The following CARS2 variants were observed in gnomAD, a reference collection of about 807,000 sequenced individuals.
CARS2 encodes cysteinyl-tRNA synthetase 2, mitochondrial.
In CARS2, 52 loss-of-function variants were observed where a neutral mutation model predicts 68.8. The ratio of observed to expected loss-of-function variants is 0.76; its 90% CI spans 0.61 to 0.95. CARS2 has a LOEUF of 0.95. Ranked by LOEUF, CARS2 falls within the 40% of genes least tolerant of loss-of-function variation. The pLI, the probability that CARS2 is intolerant of heterozygous loss-of-function variation, is 0.00. For synonymous variants in CARS2, 314 were observed against 303.6 expected (o/e 1.03, Z -0.36); for missense variants, 780 against 754.2 (o/e 1.03, Z -0.40).
At chr13:110,645,900 A>T in intron 12 of CARS2, 67 bp downstream of exon 12, 1 of 1,557,736 alleles carries the variant, frequency 6.4e-7, no homozygotes, top group Non-Finnish European at 8.7e-7. Flanking sequence ...CATGAGAAAA[A>T]CCCACCAGAG....
intron 8 of CARS2, chr13:110,666,262 C>T (rs970137729): frequency 1.6e-5 from 16 of 985,256 alleles, no homozygotes; most frequent in African/African-American, 1.0e-4. Context: ...GGGCGGCAGG[C>T]GTTTGTTCTG....
At chr13:110,713,284 T>TG (rs1468906923) in exon 1 of CARS2, 1 of 1,281,066 alleles carries the variant, frequency 7.8e-7, no homozygotes, top group Non-Finnish European at 9.9e-7. Flanking sequence ...AGGAGCGAGT[T>TG]GCGGTAGTTG....
At chr13:110,674,354 G>T (rs2062885337) in intron 7 of CARS2, among the ~76,000 whole-genome samples, 1 of 151,558 alleles carries the variant, frequency 6.6e-6, no homozygotes, top group African/African-American at 2.4e-5. Flanking sequence ...GCATGGTACT[G>T]GTACCAAAAC....
intron 7 of CARS2, among the ~76,000 whole-genome samples, chr13:110,669,084 C>G (rs564330923): frequency 6.6e-6 from 1 of 152,208 alleles, no homozygotes; most frequent in Admixed American, 6.5e-5. Flanking sequence ...ATGCTTCCTA[C>G]TAACAACAGG....
rs528537798 is a variant in CARS2 at position 110,699,210 on chromosome 13, C to G, written c.393+2228G>C. Among the ~76,000 whole-genome samples, 8 of 152,310 alleles carry G rather than the reference C, an allele frequency of 5.3e-5. No homozygotes were observed. In the South Asian group the frequency reaches 1.7e-3, roughly 32 times the overall value. On this transcript the variant is annotated intron_variant, in intron 3 of 14. Coordinates refer to ENST00000257347, the MANE Select transcript of CARS2 (RefSeq NM_024537.4). Reference sequence around the variant, plus strand: ...ACGTTTCTATTCATTATAAATTACCCAACCTGTGGTGTTCTGTTACAGCAG... The same window carrying G: ...ACGTTTCTATTCATTATAAATTACCGAACCTGTGGTGTTCTGTTACAGCAG...
intron 6 of CARS2, among the ~76,000 whole-genome samples, chr13:110,682,691 T>C (rs1003681305): frequency 6.6e-6 from 1 of 152,098 alleles, no homozygotes; most frequent in Non-Finnish European, 1.5e-5. Context: ...AAGACACGTA[T>C]GGGAATTAAA....
Position 110,692,001 on chromosome 13 carries a change from A to AT in CARS2, c.394-3984_394-3983insA, listed in dbSNP as rs1305170975. ...AAAGCTGTGCAGAAAAAAAAAAAAA[A>AT]AAATATATATATATATATATATACA... is the stretch of plus-strand genomic sequence containing the variant. On this transcript the variant is annotated intron_variant, in intron 3 of 14. Transcript: ENST00000257347. Among the ~76,000 whole-genome samples the AT allele has an allele frequency of 9.4e-3, 730 of 77,996 alleles. 7 individuals are homozygous for AT. The highest frequency in any genetic ancestry group is 0.027 in the African/African-American group (628 of 23,430). 51.2% of individuals were successfully genotyped at this position (77,996 alleles called of 152,430 possible). A position where few individuals can be genotyped will look rare whatever the true frequency, so the allele number is the denominator to read the frequency against.
chr13:110,652,128 T>A (rs2062232111), intron 9 of CARS2, among the ~76,000 whole-genome samples: 1 of 152,274 alleles, frequency 6.6e-6, no homozygotes, highest in Non-Finnish European at 1.5e-5. Context: ...TCGCTGACCT[T>A]GCTGGAGTGA....
intron 5 of CARS2, among the ~76,000 whole-genome samples, chr13:110,686,641 A>G (rs1353866451): frequency 7.8e-6 from 1 of 128,878 alleles, no homozygotes; most frequent in Non-Finnish European, 1.7e-5. Flanking sequence ...ACTGCAAACT[A>G]TGCCTCCTGG....
chr13:110,686,961 G>C (rs1393508586), intron 5 of CARS2, among the ~76,000 whole-genome samples: 2 of 151,090 alleles, frequency 1.3e-5, no homozygotes, highest in East Asian at 3.9e-4. Context: ...TGCAACCTCT[G>C]ACTCCCGCAA....
chr13:110,687,700 A>G (rs749912683), intron 5 of CARS2, 21 bp downstream of exon 5: 18 of 1,476,538 alleles, frequency 1.2e-5, no homozygotes, highest in African/African-American at 2.9e-5. Flanking sequence ...AAGAAAAAAA[A>G]AAAAAGAACA....
intron 3 of CARS2, among the ~76,000 whole-genome samples, chr13:110,696,011 G>A (rs1406369384): frequency 6.6e-6 from 1 of 152,200 alleles, no homozygotes; most frequent in South Asian, 2.1e-4. Context: ...TCCCACTTAT[G>A]AGTGAGAACC....
chr13:110,646,422 G>C (rs571034192), intron 11 of CARS2: 47 of 191,496 alleles, frequency 2.5e-4, no homozygotes, highest in African/African-American at 8.7e-4. Context: ...GAGACGGCAC[G>C]GCTGACCACT....
intron 9 of CARS2, among the ~76,000 whole-genome samples, chr13:110,661,202 C>T (rs72661672): frequency 0.14 from 20,647 of 152,252 alleles, 1,857 homozygotes; most frequent in Admixed American, 0.27. Context: ...TGACTTCTTT[C>T]TAGCTACAAA....
intron 3 of CARS2, among the ~76,000 whole-genome samples, chr13:110,695,612 G>C (rs956812602): frequency 6.6e-6 from 1 of 151,916 alleles, no homozygotes; most frequent in Non-Finnish European, 1.5e-5. Context: ...TGAACCTTGA[G>C]GAATTATGCA....
intron 5 of CARS2, among the ~76,000 whole-genome samples, chr13:110,686,475 G>A (rs2063307656): frequency 6.6e-6 from 1 of 151,942 alleles, no homozygotes; most frequent in African/African-American, 2.4e-5. Context: ...CTGAACTCCT[G>A]GACTCAAGTG....
chr13:110,662,217 C>G (rs577301145), intron 9 of CARS2, among the ~76,000 whole-genome samples: 27 of 97,686 alleles, frequency 2.8e-4, no homozygotes, highest in Admixed American at 1.7e-3. Flanking sequence ...ACCCCCTCTG[C>G]GTCATGCAAC....
At chr13:110,712,703 A>G (rs895829478) in intron 1 of CARS2, 2 of 687,564 alleles carry the variant, frequency 2.9e-6, no homozygotes, top group South Asian at 3.0e-5. Context: ...GTGTCTGCAT[A>G]CTGTGGGCGG....
At chr13:110,667,000 T>G in intron 8 of CARS2, 9 of 941,576 alleles carry the variant, frequency 9.6e-6, no homozygotes, top group Non-Finnish European at 1.1e-5. Context: ...CAGAGATGTC[T>G]AGTGACAACA....
Sources: gnomAD v4.1 joint callset for allele counts (sites outside exome capture counted in the v4.1 genomes callset) on GRCh38, gnomAD v4.1.1 for gene constraint, MANE v1.5 for transcripts, NCBI Gene and HGNC (gene_info 2026-07-23, HGNC 2026-07-21) for gene names.